The following MS4A1 variants were observed in gnomAD, a reference collection of about 807,000 sequenced individuals.
MS4A1 encodes the protein membrane spanning 4-domains A1, also known as B-lymphocyte antigen CD20.
A neutral mutation model predicts 26.5 loss-of-function variants in MS4A1; 16 were observed. That is an observed-to-expected ratio of 0.60 (90% confidence interval 0.41 to 0.92). The LOEUF is 0.92. Among genes scored for constraint, MS4A1 ranks in the 40% least tolerant of loss-of-function variants. The pLI, the probability that MS4A1 is intolerant of heterozygous loss-of-function variation, is 0.00. For synonymous variants in MS4A1, 128 were observed against 117.6 expected, an observed-to-expected ratio of 1.09 and a Z score of -0.57; for missense variants, 350 against 353.0, an observed-to-expected ratio of 0.99 and a Z score of 0.07.
intron 7 of MS4A1, 69 bp downstream of exon 7, chr11:60,467,129 A>G (rs1202358504): frequency 7.7e-7 from 1 of 1,297,654 alleles, no homozygotes; most frequent in Non-Finnish European, 1.1e-6. Context: ...TCATTTATGG[A>G]GAATGTAATC....
rs188810513 is a variant in MS4A1 at position 60,461,746 on chromosome 11, C to G, written c.-190-439C>G. ...CGTTAGCCAGCCCGGTCTCAAACTC[C>G]TGACCTCAGGTGATCTGCCCATCTT... On this transcript the variant is annotated intron_variant, in intron 2 of 7. Transcript: ENST00000345732. Among the ~76,000 whole-genome samples, 32 of 151,816 alleles carry G rather than the reference C, an allele frequency of 2.1e-4. No homozygotes were observed. In the East Asian group the frequency reaches 6.0e-3, roughly 29 times the overall value.
Position 60,469,326 on chromosome 11 carries a change from T to C in MS4A1, c.*858T>C, listed in dbSNP as rs1300620768. ...GATCAAGAAAGAATCCCTATCTCTA[T>C]TTTACAAGTAATTCAAAGAGGCCAA... On this transcript the variant is annotated 3_prime_UTR_variant, in exon 8 of 8. Transcript: ENST00000345732. 4 of 152,182 alleles carry C rather than the reference T, an allele frequency of 2.6e-5. No homozygotes were observed. Among genetic ancestry groups the C allele is most frequent in the African/African-American group, 9.7e-5 (4 of 41,440 alleles). 9.4% of individuals were successfully genotyped at this position (152,182 alleles called of 1,614,324 possible).
chr11:60,462,623 A>T, intron 3 of MS4A1, 90 bp downstream of exon 3: 1 of 1,543,326 alleles, frequency 6.5e-7, no homozygotes, highest in African/African-American at 1.4e-5. Flanking sequence ...ATTCAATCCA[A>T]TTTGAAGAAT....
At chr11:60,459,753 CAA>C (rs929723786) in intron 1 of MS4A1, among the ~76,000 whole-genome samples, 2 of 152,154 alleles carry the variant, frequency 1.3e-5, no homozygotes, top group African/African-American at 4.8e-5. Flanking sequence ...GAGAAACAAC[CAA>C]AGTTTCTTCT....
At position 60,462,256 on chromosome 11, in the gene MS4A1, A is replaced by G. The variant is rs1284519431; in HGVS notation, c.-119A>G. ...GCCATGTCTACCCTCAATGACACTC[A>G]TGGAGGAAATGCTGAGAGAAGCATT... is the stretch of plus-strand genomic sequence containing the variant. On this transcript the variant is annotated 5_prime_UTR_variant, in exon 3 of 8. The change abolishes an upstream ATG in the 5' untranslated region. Coordinates refer to ENST00000345732, the MANE Select transcript of MS4A1 (RefSeq NM_152866.3). The G allele has an allele frequency of 9.2e-7, 1 of 1,092,122 alleles. No homozygotes were observed. The highest frequency in any genetic ancestry group is 1.3e-5 in the South Asian group (1 of 76,868). The allele number at this position is 1,092,122 out of a possible 1,614,324, so 67.7% of individuals were successfully genotyped here. A position where few individuals can be genotyped will look rare whatever the true frequency, so the allele number is the denominator to read the frequency against.
chr11:60,460,123 G>A (rs530314251), intron 1 of MS4A1, among the ~76,000 whole-genome samples: 59 of 152,178 alleles, frequency 3.9e-4, no homozygotes, highest in Middle Eastern at 3.4e-3. Context: ...GTGGTTGCCC[G>A]TGGTCCCAGC....
intron 7 of MS4A1, among the ~76,000 whole-genome samples, chr11:60,467,748 C>A (rs2135204471): frequency 6.6e-6 from 1 of 152,128 alleles, no homozygotes. Flanking sequence ...TCACCTAATT[C>A]CTCTTCCAAA....
chr11:60,461,052 A>T lies in MS4A1; in HGVS notation c.-279-20A>T, dbSNP rs528752108. On this transcript the variant is annotated intron_variant, in intron 1 of 7. Coordinates refer to ENST00000345732, the MANE Select transcript of MS4A1 (RefSeq NM_152866.3). Reference sequence around the variant, plus strand: ...CAATAATATTTATTAAGAAGTAACTAAATCCAAAAATTATTTTAGATCCTG... The same window carrying T: ...CAATAATATTTATTAAGAAGTAACTTAATCCAAAAATTATTTTAGATCCTG... 2 of 151,896 alleles carry T rather than the reference A, an allele frequency of 1.3e-5. No individual in the cohort carries two copies. The highest frequency in any genetic ancestry group is 2.9e-5 in the Non-Finnish European group (2 of 68,042). 9.4% of individuals were successfully genotyped at this position (151,896 alleles called of 1,614,324 possible).
intron 1 of MS4A1, among the ~76,000 whole-genome samples, chr11:60,458,681 G>C (rs1226762139): frequency 6.6e-6 from 1 of 152,166 alleles, no homozygotes; most frequent in Non-Finnish European, 1.5e-5. Flanking sequence ...GCAAAATTGC[G>C]AGAATCTCCA....
rs1193342361 is a variant in MS4A1 at position 60,467,047 on chromosome 11, C to A, written c.662C>A (p.Ser221Tyr). 6.2e-7 allele frequency: 1 copy of A among 1,614,024 alleles called. No individual in the cohort carries two copies. The highest frequency in any genetic ancestry group is 8.5e-7 in the Non-Finnish European group (1 of 1,179,954). ...GAGAATGAATGGAAAAGAACGTGCT[C>A]CAGACCCAAATCTGTAAGTAGTAGC... ...IVENEWKRTC[S>Y]RPKSNIVLLS... is the part of the protein sequence containing the mutation. Residue 221 changes from serine to tyrosine, a missense_variant, in exon 7 of 8, where the codon TCC becomes TAC. Physicochemically the swap from Ser to Tyr is moderately radical, Grantham distance 144. Transcript: ENST00000345732.
intron 4 of MS4A1, 114 bp downstream of exon 4, chr11:60,463,235 A>T: frequency 6.8e-7 from 1 of 1,463,560 alleles, no homozygotes; most frequent in East Asian, 2.3e-5. Flanking sequence ...AGTAGGAAAT[A>T]TTATTGGGTT....
At chr11:60,467,219 T>C (rs963779254) in intron 7 of MS4A1, among the ~76,000 whole-genome samples, 159 bp downstream of exon 7, 1 of 151,940 alleles carries the variant, frequency 6.6e-6, no homozygotes, top group African/African-American at 2.4e-5. Context: ...AATAATATGA[T>C]GTCTTGAAAT....
intron 1 of MS4A1, among the ~76,000 whole-genome samples, chr11:60,459,065 T>G (rs1412809547): frequency 6.6e-6 from 1 of 152,170 alleles, no homozygotes; most frequent in Non-Finnish European, 1.5e-5. Flanking sequence ...CAAAAAAGTT[T>G]ATCTCGCCAA....
intron 1 of MS4A1, among the ~76,000 whole-genome samples, chr11:60,459,456 G>A (rs2086230400): frequency 6.6e-6 from 1 of 152,216 alleles, no homozygotes; most frequent in Non-Finnish European, 1.5e-5. Context: ...CAGAGCCATG[G>A]TGAGTGCCTT....
At chr11:60,460,739 C>T (rs1344723754) in intron 1 of MS4A1, among the ~76,000 whole-genome samples, 2 of 151,964 alleles carry the variant, frequency 1.3e-5, no homozygotes, top group Non-Finnish European at 2.9e-5. Context: ...GAAGATTGAA[C>T]AGAATCTTAA....
At chr11:60,467,770 A>G (rs760583937) in intron 7 of MS4A1, among the ~76,000 whole-genome samples, 99 of 152,134 alleles carry the variant, frequency 6.5e-4, no homozygotes, top group Non-Finnish European at 1.1e-3. Flanking sequence ...CAACAGGTTA[A>G]AGGGCTCCAC....
rs200103669 is a variant in MS4A1 at position 60,466,050 on chromosome 11, A to G, written c.466A>G (p.Arg156Gly). 2.5e-6 allele frequency: 4 copies of G among 1,613,968 alleles called. No individual in the cohort carries two copies. The highest frequency in any genetic ancestry group is 3.4e-6 in the Non-Finnish European group (4 of 1,179,860). Residue 156 changes from arginine to glycine, a missense_variant, in exon 6 of 8, where the codon AGA (arginine) becomes GGA (glycine). Transcript: ENST00000345732. ...AAAAATGGAGAGTCTGAATTTTATTAGAGCTCACACACCATATATTAACAT... is the reference window on the plus strand; with the variant it reads ...AAAAATGGAGAGTCTGAATTTTATTGGAGCTCACACACCATATATTAACAT... The part of the protein sequence containing the change: ...FLKMESLNFI[R>G]AHTPYINIYN...
chr11:60,464,852 A>G (rs4939364), intron 5 of MS4A1, among the ~76,000 whole-genome samples: 100,625 of 152,070 alleles, frequency 0.66, 33,899 homozygotes, highest in Non-Finnish European at 0.71. Context: ...CAGGCTATAA[A>G]GTACTACACT....
chr11:60,459,948 A>AT (rs2086234580), intron 1 of MS4A1, among the ~76,000 whole-genome samples: 1 of 152,134 alleles, frequency 6.6e-6, no homozygotes, highest in African/African-American at 2.4e-5. Context: ...CCAAGTCTTC[A>AT]TTTTAAATCT....
Sources: gnomAD v4.1 joint callset for allele counts (sites outside exome capture counted in the v4.1 genomes callset) on GRCh38, gnomAD v4.1.1 for gene constraint, MANE v1.5 for transcripts, NCBI Gene and HGNC (gene_info 2026-07-23, HGNC 2026-07-21) for gene names.